The following AVEN variants were observed in gnomAD, a reference collection of about 807,000 sequenced individuals.
AVEN encodes the protein cell death regulator Aven.
Under a neutral mutation model 38.1 loss-of-function variants are expected in AVEN, and 41 were observed. The observed-to-expected ratio is 1.08, with a 90% CI of 0.84 to 1.40. The LOEUF is 1.40. Ranked by LOEUF, AVEN falls within the 40% of genes most tolerant of loss-of-function variation. The pLI, the probability that AVEN is intolerant of heterozygous loss-of-function variation, is 0.00. For missense variants in AVEN, 605 were observed against 438.8 expected (o/e 1.38, Z -3.38); for synonymous variants, 206 against 171.8 (o/e 1.20, Z -1.56).
chr15:33,918,781 T>C (rs114943379), intron 2 of AVEN, among the ~76,000 whole-genome samples: 54 of 151,998 alleles, frequency 3.6e-4, no homozygotes, highest in African/African-American at 1.2e-3. Context: ...TAATTAAACT[T>C]TTTCTTCTAA....
At chr15:34,036,837 G>T (rs1899149785) in intron 1 of AVEN, among the ~76,000 whole-genome samples, 2 of 148,040 alleles carry the variant, frequency 1.4e-5, no homozygotes. Flanking sequence ...GGCGCAGTGG[G>T]TCACACCTGT....
At chr15:33,969,357 A>G (rs1895528172) in intron 2 of AVEN, among the ~76,000 whole-genome samples, 2 of 151,820 alleles carry the variant, frequency 1.3e-5, no homozygotes, top group East Asian at 3.9e-4. Flanking sequence ...ACTCCCATTC[A>G]TTTTTCATTG....
rs1900686351 is a variant in AVEN at position 34,073,986 on chromosome 15, CTTCTTTTTTTTTTT to C, written n.720+436_720+449del. ...TGGAGGAACTTTCTTTTTTCTTCTT[CTTCTTTTTTTTTTT>C]TTTTTTTTTTTTTTTGAGACACAGT... On this transcript the variant is annotated intron_variant and non_coding_transcript_variant, in intron 1 of 11. Transcript: ENST00000675287. 2.7e-5 allele frequency among the ~76,000 whole-genome samples: 3 copies of C among 112,246 alleles called. 1 individual carries two copies. Among genetic ancestry groups the C allele is most frequent in the Non-Finnish European group, 5.0e-5 (3 of 60,050 alleles). 73.6% of individuals were successfully genotyped at this position (112,246 alleles called of 152,430 possible).
At chr15:33,951,592 CAA>C (rs1238139563) in intron 2 of AVEN, among the ~76,000 whole-genome samples, 1 of 143,692 alleles carries the variant, frequency 7.0e-6, no homozygotes. Context: ...ATTTGCCATC[CAA>C]AAAAAAAAAA....
intron 5 of AVEN, among the ~76,000 whole-genome samples, chr15:34,047,595 C>G (rs1899757765): frequency 6.6e-6 from 1 of 152,210 alleles, no homozygotes; most frequent in East Asian, 1.9e-4. Flanking sequence ...AATTGAGCTC[C>G]CAGCGGGAGG....
intron 2 of AVEN, among the ~76,000 whole-genome samples, chr15:33,920,738 C>G (rs1383859722): frequency 6.6e-6 from 1 of 152,104 alleles, no homozygotes; most frequent in Non-Finnish European, 1.5e-5. Flanking sequence ...ATAAAAGACA[C>G]TTACATGTTT....
At chr15:33,990,212 A>G (rs907816111) in intron 2 of AVEN, among the ~76,000 whole-genome samples, 5 of 151,554 alleles carry the variant, frequency 3.3e-5, no homozygotes, top group African/African-American at 1.2e-4. Flanking sequence ...TCAAAAAAAA[A>G]CAAAACAAAA....
At chr15:34,060,746 T>C (rs1286337795) in intron 5 of AVEN, among the ~76,000 whole-genome samples, 1 of 152,162 alleles carries the variant, frequency 6.6e-6, no homozygotes. Context: ...GCTTGGTGGC[T>C]GTAATCCCAG....
intron 1 of AVEN, among the ~76,000 whole-genome samples, chr15:34,010,588 C>T (rs200341728): frequency 2.5e-4 from 1 of 3,954 alleles, no homozygotes; most frequent in East Asian, 0.045. Context: ...ACATTCACAC[C>T]ATTTTTCACC....
chr15:33,870,968 G>T lies in AVEN; in HGVS notation c.579C>A (p.Cys193Ter). The T allele has an allele frequency of 6.2e-7, 1 of 1,611,330 alleles. No individual in the cohort carries two copies. The highest frequency in any genetic ancestry group is 8.5e-7 in the Non-Finnish European group (1 of 1,178,296). The change falls in exon 4 of 6, where the codon TGC becomes TGA. Residue 193 changes from cysteine to a stop codon, truncating the protein, a stop_gained. Transcript: ENST00000306730. LOFTEE classifies it high-confidence loss of function. Reference protein sequence around the residue: ...LVRALQELPLCLRLNVAAELV... With the variant: ...LVRALQELPL Reference sequence around the variant, plus strand: ...GTTCGGCAGCAACGTTGAGTCGGAGGCAGAGAGGCAGCTCTTGAAGGGCTC... The same window carrying T: ...GTTCGGCAGCAACGTTGAGTCGGAGTCAGAGAGGCAGCTCTTGAAGGGCTC...
intron 2 of AVEN, among the ~76,000 whole-genome samples, chr15:33,999,319 C>T (rs1477120582): frequency 6.6e-6 from 1 of 152,228 alleles, no homozygotes; most frequent in Non-Finnish European, 1.5e-5. Flanking sequence ...GGTAACATCT[C>T]TGCCGCTACT....
chr15:34,014,533 A>C (rs1897798406), intron 1 of AVEN, among the ~76,000 whole-genome samples: 2 of 152,134 alleles, frequency 1.3e-5, no homozygotes, highest in African/African-American at 4.8e-5. Flanking sequence ...CTAGGTGACA[A>C]AGTATCTCCA....
intron 3 of AVEN, among the ~76,000 whole-genome samples, chr15:33,873,310 G>C (rs985590905): frequency 6.7e-6 from 1 of 150,242 alleles, no homozygotes; most frequent in Non-Finnish European, 1.5e-5. Flanking sequence ...ATGTTGGCCA[G>C]GCTGGTCTCG....
At chr15:33,939,768 A>T (rs1894242459) in intron 2 of AVEN, among the ~76,000 whole-genome samples, 1 of 152,060 alleles carries the variant, frequency 6.6e-6, no homozygotes, top group African/African-American at 2.4e-5. Context: ...TTGAAACACT[A>T]CCCCCTAATG....
At chr15:34,011,049 G>A (rs28510508) in intron 1 of AVEN, among the ~76,000 whole-genome samples, 22,088 of 151,982 alleles carry the variant, frequency 0.15, 2,304 homozygotes, top group African/African-American at 0.29. Flanking sequence ...TGCTAGGGCC[G>A]GGCATGGTGG....
chr15:33,875,995 C>G lies in AVEN; in HGVS notation c.446G>C (p.Gly149Ala), dbSNP rs765955171. The change falls in exon 3 of 6, where the codon GGG becomes GCG. Residue 149 changes from glycine (G) to alanine (A), a missense_variant and splice_region_variant. Coordinates refer to ENST00000306730, the MANE Select transcript of AVEN (RefSeq NM_020371.3). ...AAACCGGAACTGTGAGAATGAGTCC[C>G]CTAGGAATAGGAAAAAAAAAAAAAT... ...TDFSVLLSSAGDSFSQFRFAE... is the reference protein window; with the variant it reads ...TDFSVLLSSAADSFSQFRFAE... The G allele has an allele frequency of 6.2e-6, 10 of 1,609,730 alleles. No individual in the cohort carries two copies. The highest frequency in any genetic ancestry group is 7.6e-6 in the Non-Finnish European group (9 of 1,179,388).
At chr15:34,026,188 T>C (rs1355080733) in intron 1 of AVEN, among the ~76,000 whole-genome samples, 1 of 152,232 alleles carries the variant, frequency 6.6e-6, no homozygotes, top group Non-Finnish European at 1.5e-5. Context: ...ATTGTCATTT[T>C]TTTTTTACTT....
chr15:33,860,718 AT>A (rs1257136976), intron 11 of AVEN: 4 of 1,274,788 alleles, frequency 3.1e-6, no homozygotes. Context: ...AAGCAAATAG[AT>A]TTTTTAAACA....
chr15:34,008,086 G>A (rs1897441734), intron 1 of AVEN, among the ~76,000 whole-genome samples: 1 of 151,998 alleles, frequency 6.6e-6, no homozygotes, highest in Non-Finnish European at 1.5e-5. Context: ...CAAAATTCTT[G>A]GAAGAAAAAA....
Sources: gnomAD v4.1 joint callset for allele counts (sites outside exome capture counted in the v4.1 genomes callset) on GRCh38, gnomAD v4.1.1 for gene constraint, MANE v1.5 for transcripts, NCBI Gene and HGNC (gene_info 2026-07-23, HGNC 2026-07-21) for gene names.